The following TAF1 variants were observed in gnomAD, a reference collection of about 807,000 sequenced individuals.
TAF1 encodes transcription initiation factor TFIID subunit 1.
In TAF1, 2 loss-of-function variants were observed where a neutral mutation model predicts 138.5. The ratio of observed to expected loss-of-function variants is 0.01; its 90% CI spans 0.01 to 0.05. The LOEUF (loss-of-function observed/expected upper bound fraction) is 0.05, where lower values mean the gene tolerates loss of function less well. Among genes scored for constraint, TAF1 ranks in the 10% least tolerant of loss-of-function variants. The pLI, the probability that TAF1 is intolerant of heterozygous loss-of-function variation, is 1.00. For missense variants in TAF1, 709 were observed against 1,478.0 expected, an observed-to-expected ratio of 0.48 and a Z score of 8.53; for synonymous variants, 437 against 503.2, an observed-to-expected ratio of 0.87 and a Z score of 1.76.
rs1392146424 is a variant in TAF1, at chrX:71,488,508, G to A, written c.1366+27705G>A. Among the ~76,000 whole-genome samples, 53 of 109,404 alleles carry A rather than the reference G, an allele frequency of 4.8e-4. No homozygotes were observed. The Admixed American group carries it at 5.1e-3, about 11-fold the overall frequency. ...TCCACCCACCTCAGCCTCCCAAAGTGCTGGTAGGTAGTTTCTTTGTGGGCA... is the reference window on the plus strand; with the variant it reads ...TCCACCCACCTCAGCCTCCCAAAGTACTGGTAGGTAGTTTCTTTGTGGGCA... On this transcript the variant is annotated intron_variant and NMD_transcript_variant, in intron 13 of 14. Coordinates refer to the TAF1 transcript ENST00000373775.
chrX:71,387,685 G>C (rs1257330294), intron 15 of TAF1, among the ~76,000 whole-genome samples: 1 of 111,847 alleles, frequency 8.9e-6, no homozygotes, highest in Non-Finnish European at 1.9e-5. Context: ...TGTGATCCCA[G>C]CACTTTGGAA....
At chrX:71,409,205 T>C (rs1459678145) in intron 28 of TAF1, among the ~76,000 whole-genome samples, 3 of 110,462 alleles carry the variant, frequency 2.7e-5, no homozygotes, top group Admixed American at 1.9e-4. Flanking sequence ...TTTTTTTTTT[T>C]TCCCTTGTGA....
chrX:71,378,739 T>C (rs1310931287), intron 7 of TAF1, 85 bp from the exon 8 acceptor site: 6 of 988,898 alleles, frequency 6.1e-6, no homozygotes, highest in South Asian at 2.0e-5. Context: ...ACAATGTGTC[T>C]GATGTATCTT....
chrX:71,399,439 G>T (rs1235775948), intron 24 of TAF1, among the ~76,000 whole-genome samples: 2 of 105,188 alleles, frequency 1.9e-5, no homozygotes, highest in Non-Finnish European at 3.9e-5. Flanking sequence ...TGTATTTTTA[G>T]TAGAGACGAG....
intron 13 of TAF1, among the ~76,000 whole-genome samples, chrX:71,499,757 C>T (rs995631187): frequency 9.0e-6 from 1 of 111,564 alleles, no homozygotes. Context: ...CTATCATTCA[C>T]TTGACTAAGA....
intron 13 of TAF1, chrX:71,528,172 C>T (rs1447071112): frequency 9.7e-6 from 2 of 206,113 alleles, no homozygotes; most frequent in East Asian, 2.9e-4. Flanking sequence ...TGAAAGATAA[C>T]AGTCATTATG....
rs974699319 is a variant in TAF1 at position 71,465,913 on chromosome X, A to G, written c.*1867A>G. On this transcript the variant is annotated 3_prime_UTR_variant, in exon 38 of 38. Coordinates refer to ENST00000423759, the MANE Select transcript of TAF1 (RefSeq NM_004606.5). ...GAGGGGGCTTCTGTGTTTGTTATGT[A>G]TGCTGGGTGGGATATTGTGCTTTTA... The G allele has an allele frequency of 8.9e-6, 1 of 112,386 alleles. No individual in the cohort carries two copies. Among genetic ancestry groups the G allele is most frequent in the Non-Finnish European group, 1.9e-5 (1 of 53,317 alleles). The allele number at this position is 112,386 out of a possible 1,213,427, so 9.3% of individuals were successfully genotyped here.
Position 71,454,256 on chromosome X carries a change from G to T in TAF1, c.4821+19G>T. ...GACTGAGGTAGGTGGTAAAGATGGA[G>T]GTCCTAAGCCTGGGCAACATAAGGA... On this transcript the variant is annotated intron_variant, in intron 33 of 37. Coordinates refer to ENST00000423759, the MANE Select transcript of TAF1 (RefSeq NM_004606.5). 1 of 1,195,860 alleles carries T rather than the reference G, an allele frequency of 8.4e-7. No homozygotes were observed. Among genetic ancestry groups the T allele is most frequent in the Non-Finnish European group, 1.1e-6 (1 of 882,215 alleles).
chrX:71,431,314 C>T (rs1460205737), intron 32 of TAF1, among the ~76,000 whole-genome samples: 3 of 109,799 alleles, frequency 2.7e-5, no homozygotes, highest in Admixed American at 2.0e-4. Context: ...CCACCTCCCT[C>T]GGCTTCTCAA....
At chrX:71,410,826 A>G (rs753519129) in intron 28 of TAF1, among the ~76,000 whole-genome samples, 10 of 110,597 alleles carry the variant, frequency 9.0e-5, no homozygotes, top group African/African-American at 2.6e-4. Flanking sequence ...TGTGTCGCCC[A>G]GGCTGGAATG....
chrX:71,370,625 C>T (rs981049583), intron 3 of TAF1, among the ~76,000 whole-genome samples: 13 of 111,878 alleles, frequency 1.2e-4, no homozygotes, highest in African/African-American at 3.9e-4. Context: ...GTTGGGATTA[C>T]AGGTGTGAGC....
At chrX:71,455,095 G>C in intron 34 of TAF1, 1 of 1,100,552 alleles carries the variant, frequency 9.1e-7, no homozygotes. Context: ...GGCCTTAGTT[G>C]TTTAGGCAGT....
In TAF1 at chrX:71,382,987, T is replaced by C; in HGVS notation, c.1774-4T>C. ...AATTTTAACCCTTCTATTTCCTGTT[T>C]TAGCATTCAATTCCTGCTGTGGAAT... is the stretch of plus-strand genomic sequence containing the variant. On this transcript the variant is annotated splice_polypyrimidine_tract_variant and splice_region_variant and intron_variant, in intron 11 of 37. Coordinates refer to ENST00000423759, the MANE Select transcript of TAF1 (RefSeq NM_004606.5). 3 of 1,204,759 alleles carry C rather than the reference T, an allele frequency of 2.5e-6. No individual in the cohort carries two copies. The highest frequency in any genetic ancestry group is 1.8e-5 in the South Asian group (1 of 55,463).
intron 32 of TAF1, among the ~76,000 whole-genome samples, chrX:71,453,536 A>G (rs916977487): frequency 4.5e-5 from 5 of 110,002 alleles, no homozygotes; most frequent in Non-Finnish European, 7.6e-5. Flanking sequence ...AATAAAAACA[A>G]CAGCCTGCAC....
At chrX:71,479,829 G>GA (rs768019114) in intron 13 of TAF1, among the ~76,000 whole-genome samples, 7 of 110,903 alleles carry the variant, frequency 6.3e-5, no homozygotes, top group African/African-American at 2.3e-4. Flanking sequence ...TTTTTAAGCT[G>GA]AAAAAAAAGT....
intron 32 of TAF1, among the ~76,000 whole-genome samples, chrX:71,426,785 T>G (rs2036615074): frequency 9.0e-6 from 1 of 111,206 alleles, no homozygotes; most frequent in Admixed American, 9.6e-5. Flanking sequence ...ATAACTGTTT[T>G]GAGAGGCAGG....
chrX:71,429,516 T>TA (rs2036772799), intron 32 of TAF1, among the ~76,000 whole-genome samples: 1 of 110,509 alleles, frequency 9.0e-6, no homozygotes, highest in Admixed American at 9.8e-5. Flanking sequence ...ATGGTGGAAT[T>TA]ACGTTTGGTA....
At chrX:71,421,402 G>A in intron 29 of TAF1, 26 bp downstream of exon 29, 1 of 1,039,016 alleles carries the variant, frequency 9.6e-7, no homozygotes, top group Non-Finnish European at 1.3e-6. Context: ...TGAGAGAAAG[G>A]CAGTGGAATT....
chrX:71,407,214 A>ATT (rs1192482805), intron 26 of TAF1, among the ~76,000 whole-genome samples: 68 of 80,919 alleles, frequency 8.4e-4, no homozygotes, highest in African/African-American at 2.7e-3. Flanking sequence ...TGCTCGGCAG[A>ATT]TTTTTTTTTT....
Sources: gnomAD v4.1 joint callset for allele counts (sites outside exome capture counted in the v4.1 genomes callset) on GRCh38, gnomAD v4.1.1 for gene constraint, MANE v1.5 for transcripts, NCBI Gene and HGNC (gene_info 2026-07-23, HGNC 2026-07-21) for gene names.